Variants in HIVEP2 observed in about 807,000 individuals in gnomAD.
HIVEP2 encodes the protein transcription factor HIVEP2.
In HIVEP2, 14 loss-of-function variants were observed where a neutral mutation model predicts 180.7. The observed-to-expected ratio is 0.08, with a 90% CI of 0.05 to 0.12. The LOEUF is 0.12. HIVEP2 is among the 10% of genes least tolerant of loss of function. The pLI is 1.00. For missense variants in HIVEP2, 2,579 were observed against 3,008.5 expected (o/e 0.86, Z 3.34); for synonymous variants, 1,184 against 1,136.4 (o/e 1.04, Z -0.84).
Position 142,770,929 on chromosome 6 carries a change from C to G in HIVEP2, c.3810G>C (p.Glu1270Asp). The change falls in exon 5 of 10, where the codon GAG becomes GAC. Residue 1270 changes from glutamate (E) to aspartate (D), a missense_variant. Glu to Asp is a conservative substitution (Grantham distance 45, BLOSUM62 2). This residue lies in a region of HIVEP2 where 523 missense variants were observed against 577.0 expected (regional missense o/e 0.91). Transcript: ENST00000367603. This position sits in a 1 kb window ranked among gnomAD's most constrained non-coding sequence, Gnocchi z 4.7. Reference protein sequence around the residue: ...VAEHTGKKPAEYAHTKEQTYP... With the variant: ...VAEHTGKKPADYAHTKEQTYP... ...AGGTCTGCTCTTTCGTGTGTGCATA[C>G]TCAGCAGGTTTCTTTCCAGTGTGCT... 6.2e-7 allele frequency: 1 copy of G among 1,614,198 alleles called. No individual in the cohort carries two copies. Among genetic ancestry groups the G allele is most frequent in the Non-Finnish European group, 8.5e-7 (1 of 1,180,036 alleles).
chr6:142,865,326 T>A (rs2128408577), intron 1 of HIVEP2, among the ~76,000 whole-genome samples: 1 of 152,210 alleles, frequency 6.6e-6, no homozygotes, highest in East Asian at 1.9e-4. Flanking sequence ...GTCAGGAGCA[T>A]TTTAAGAAAA....
chr6:142,936,045 G>C (rs373505435), intron 1 of HIVEP2, among the ~76,000 whole-genome samples: 196 of 151,994 alleles, frequency 1.3e-3, no homozygotes, highest in Middle Eastern at 6.8e-3. Flanking sequence ...CCAGGAGGTC[G>C]AGGTTGCAGT....
At chr6:142,823,559 C>T (rs1218979309) in intron 2 of HIVEP2, among the ~76,000 whole-genome samples, 1 of 152,204 alleles carries the variant, frequency 6.6e-6, no homozygotes, top group South Asian at 2.1e-4. Flanking sequence ...ATGGTGTGGA[C>T]GCAACAGATT....
intron 3 of HIVEP2, among the ~76,000 whole-genome samples, chr6:142,781,790 G>C (rs1398288001): frequency 6.6e-6 from 1 of 152,100 alleles, no homozygotes; most frequent in Non-Finnish European, 1.5e-5. Flanking sequence ...GGTCCCAAAG[G>C]AAAGACACAT....
chr6:142,788,853 G>T (rs532525479), intron 2 of HIVEP2, among the ~76,000 whole-genome samples: 1 of 152,228 alleles, frequency 6.6e-6, no homozygotes, highest in African/African-American at 2.4e-5. Context: ...AAGAGGGAAT[G>T]GTCACTCCTT....
intron 2 of HIVEP2, among the ~76,000 whole-genome samples, chr6:142,819,119 A>G (rs1413283373): frequency 1.3e-5 from 2 of 152,122 alleles, no homozygotes; most frequent in Non-Finnish European, 2.9e-5. Flanking sequence ...CTGTAGTCCC[A>G]GCCACTTGGG....
intron 2 of HIVEP2, among the ~76,000 whole-genome samples, chr6:142,785,473 T>C (rs369249176): frequency 6.6e-6 from 1 of 152,162 alleles, no homozygotes; most frequent in East Asian, 1.9e-4. Flanking sequence ...AGTGACTACC[T>C]GTGACTGGTA....
intron 1 of HIVEP2, among the ~76,000 whole-genome samples, chr6:142,881,705 G>GTGGAAATAAATAAATA (rs1222831927): frequency 6.6e-6 from 1 of 152,128 alleles, no homozygotes; most frequent in Non-Finnish European, 1.5e-5. Context: ...AAAAAGAGTA[G>GTGGAAATAAATAAATA]AATAAAATAT....
chr6:142,772,015 G>T lies in HIVEP2; in HGVS notation c.2724C>A (p.Ser908Arg), dbSNP rs1037125125. 6.2e-7 allele frequency: 1 copy of T among 1,614,194 alleles called. No homozygotes were observed. The highest frequency in any genetic ancestry group is 8.5e-7 in the Non-Finnish European group (1 of 1,180,040). ...CTTCCACAGGCTTCTCTGGCTCTTT[G>T]CTCTGGGCTTCCTTCTCCTTCTCAG... ...DKPEKEKEAQ[S>R]KEPEKPVEEF... The change falls in exon 5 of 10, where the codon AGC becomes AGA. Residue 908 changes from serine (S) to arginine (R), a missense_variant. This residue lies in a region of HIVEP2 where 51 missense variants were observed against 102.8 expected (regional missense o/e 0.50). Coordinates refer to ENST00000367603, the MANE Select transcript of HIVEP2 (RefSeq NM_006734.4). The surrounding 1 kb of genome is among the most constrained non-coding windows in gnomAD (Gnocchi z 4.9).
chr6:142,781,534 C>T (rs1401119331), intron 3 of HIVEP2, among the ~76,000 whole-genome samples: 1 of 152,126 alleles, frequency 6.6e-6, no homozygotes, highest in African/African-American at 2.4e-5. Context: ...CAGGAGTCCT[C>T]TAGTCAGTAA....
At chr6:142,840,820 T>G (rs1699472746) in intron 1 of HIVEP2, among the ~76,000 whole-genome samples, 1 of 152,224 alleles carries the variant, frequency 6.6e-6, no homozygotes, top group Non-Finnish European at 1.5e-5. Context: ...TTTATGGCCA[T>G]ATTGATTTCA....
rs1256481018 is a variant in HIVEP2, at chr6:142,878,410, A to G, written c.-640-41363T>C. On this transcript the variant is annotated intron_variant, in intron 1 of 9. Transcript: ENST00000367603. ...TACATCCATTAAGATAACAACTGAG[A>G]ATACATTTTGAAACAAGTATTCAGA... is the stretch of plus-strand genomic sequence containing the variant. Among the ~76,000 whole-genome samples, 5 of 152,216 alleles carry G rather than the reference A, an allele frequency of 3.3e-5. No individual in the cohort carries two copies. The East Asian group carries it at 9.6e-4, about 29-fold the overall frequency.
At chr6:142,858,822 G>C (rs749486961) in intron 1 of HIVEP2, among the ~76,000 whole-genome samples, 14 of 151,942 alleles carry the variant, frequency 9.2e-5, no homozygotes, top group Non-Finnish European at 1.6e-4. Context: ...TCAAACTCCT[G>C]ACCTCCAGTG....
intron 1 of HIVEP2, among the ~76,000 whole-genome samples, chr6:142,913,290 G>T (rs1205835493): frequency 6.6e-6 from 1 of 152,166 alleles, no homozygotes; most frequent in Non-Finnish European, 1.5e-5. Flanking sequence ...CACGAAAAAC[G>T]TACATTTCCT....
intron 1 of HIVEP2, among the ~76,000 whole-genome samples, chr6:142,925,823 T>C (rs1192304266): frequency 6.6e-6 from 1 of 152,260 alleles, no homozygotes; most frequent in Non-Finnish European, 1.5e-5. Context: ...TAGAAACTAC[T>C]AAATAATATT....
chr6:142,795,658 T>A (rs1045907431), intron 2 of HIVEP2, among the ~76,000 whole-genome samples: 2 of 152,182 alleles, frequency 1.3e-5, no homozygotes, highest in Non-Finnish European at 2.9e-5. Flanking sequence ...TAACTAGCAA[T>A]ACAATATAGA....
chr6:142,859,265 C>T (rs771265008), intron 1 of HIVEP2, among the ~76,000 whole-genome samples: 5 of 151,914 alleles, frequency 3.3e-5, no homozygotes, highest in Non-Finnish European at 7.4e-5. Flanking sequence ...CCCAGGAGTT[C>T]GAGACCAGCC....
chr6:142,885,833 A>C (rs1776683609), intron 1 of HIVEP2, among the ~76,000 whole-genome samples: 1 of 151,778 alleles, frequency 6.6e-6, no homozygotes, highest in Admixed American at 6.6e-5. Context: ...CAGTACCACC[A>C]ACTATCTTAT....
At chr6:142,892,198 A>G (rs1776876869) in intron 1 of HIVEP2, among the ~76,000 whole-genome samples, 1 of 152,216 alleles carries the variant, frequency 6.6e-6, no homozygotes, top group African/African-American at 2.4e-5. Context: ...TAGGAAAGAC[A>G]GGCTCTTGCA....
Sources: allele counts gnomAD v4.1 joint callset (sites outside exome capture counted in the v4.1 genomes callset), GRCh38; gene constraint gnomAD v4.1.1; regional missense constraint gnomAD v4.1.1; non-coding constraint Gnocchi (gnomAD v3.1); transcripts MANE v1.5; gene names NCBI Gene and HGNC (gene_info 2026-07-23, HGNC 2026-07-21).